KCNN2: variants seen among roughly 807,000 people sequenced by gnomAD.
The protein encoded by KCNN2 is small conductance calcium-activated potassium channel protein 2.
Under a neutral mutation model 55.5 loss-of-function variants are expected in KCNN2, and 24 were observed. The ratio of observed to expected loss-of-function variants is 0.43; its 90% confidence interval spans 0.31 to 0.61. KCNN2 has a LOEUF of 0.61. Among genes scored for constraint, KCNN2 ranks in the 20% least tolerant of loss-of-function variants. The pLI is 0.08. For missense variants in KCNN2, 754 were observed against 853.6 expected (o/e 0.88, Z 1.45); for synonymous variants, 431 against 336.1 (o/e 1.28, Z -3.09).
chr5:114,250,549 A>G (rs1333043111), intron 2 of KCNN2, among the ~76,000 whole-genome samples: 1 of 152,134 alleles, frequency 6.6e-6, no homozygotes, highest in East Asian at 1.9e-4. Context: ...GTTGGATGGA[A>G]ATGTCAGCTG....
In KCNN2 at chr5:114,069,920, A is replaced by G. The variant is rs547803125; in HGVS notation, c.-271+13420A>G. ...AAGGATACAGGTAAGAGGACATTTT[A>G]TTACAACTGCACTGACTATCTGTAG... On this transcript the variant is annotated intron_variant, in intron 1 of 10. Transcript: ENST00000512097. 3.3e-5 allele frequency among the ~76,000 whole-genome samples: 5 copies of G among 152,338 alleles called. 1 individual carries two copies. In the East Asian group the frequency reaches 9.6e-4, roughly 29 times the overall value.
intron 2 of KCNN2, among the ~76,000 whole-genome samples, chr5:114,327,696 C>T (rs151110251): frequency 9.6e-4 from 146 of 152,294 alleles, no homozygotes; most frequent in Middle Eastern, 3.4e-3. Context: ...CTAAGTGTTT[C>T]AGTCTGTGCT....
At chr5:114,479,043 G>A (rs183639894) in intron 5 of KCNN2, among the ~76,000 whole-genome samples, 1 of 152,044 alleles carries the variant, frequency 6.6e-6, no homozygotes, top group East Asian at 1.9e-4. Context: ...AATTCACACA[G>A]AGCAATAGTA....
chr5:114,357,232 T>C (rs1279118499), upstream of KCNN2, among the ~76,000 whole-genome samples: 2 of 151,566 alleles, frequency 1.3e-5, no homozygotes, highest in Admixed American at 6.6e-5. Context: ...AAGAAGAGAA[T>C]TATGAACAAT....
chr5:114,272,384 T>TAAC (rs1755364601), intron 2 of KCNN2, among the ~76,000 whole-genome samples: 1 of 22,848 alleles, frequency 4.4e-5, no homozygotes, highest in Non-Finnish European at 1.5e-4. Context: ...TGTATGTACA[T>TAAC]ATATACACAC....
intron 3 of KCNN2, among the ~76,000 whole-genome samples, chr5:114,407,120 A>G (rs1758960145): frequency 6.6e-6 from 1 of 152,072 alleles, no homozygotes; most frequent in Non-Finnish European, 1.5e-5. Context: ...GTAAAATACA[A>G]GGATGTATTT....
intron 2 of KCNN2, among the ~76,000 whole-genome samples, chr5:114,402,301 A>G (rs772369965): frequency 5.3e-5 from 8 of 152,238 alleles, no homozygotes; most frequent in Middle Eastern, 3.2e-3. Flanking sequence ...TAGCAAGGGT[A>G]GTCTTGGTAG....
intron 2 of KCNN2, among the ~76,000 whole-genome samples, chr5:114,292,776 C>A (rs1755923303): frequency 1.3e-5 from 2 of 152,116 alleles, no homozygotes; most frequent in South Asian, 4.2e-4. Flanking sequence ...TATAAATTAC[C>A]TTGGCAGTAT....
intron 1 of KCNN2, among the ~76,000 whole-genome samples, chr5:114,199,185 T>C (rs1482701147): frequency 3.3e-5 from 5 of 152,148 alleles, no homozygotes; most frequent in Non-Finnish European, 5.9e-5. Flanking sequence ...ATGACCTTTG[T>C]CATTTTTACT....
chr5:114,220,248 G>T (rs1754103983), intron 1 of KCNN2, among the ~76,000 whole-genome samples: 1 of 152,004 alleles, frequency 6.6e-6, no homozygotes, highest in Non-Finnish European at 1.5e-5. Flanking sequence ...TAATTAAAAT[G>T]GTATTGCCAA....
chr5:114,479,696 A>G (rs1315616792), intron 5 of KCNN2, among the ~76,000 whole-genome samples: 1 of 152,226 alleles, frequency 6.6e-6, no homozygotes, highest in Non-Finnish European at 1.5e-5. Context: ...CCACAGTGCA[A>G]TCAAATTAGA....
At chr5:114,254,020 G>A (rs1754932601) in intron 2 of KCNN2, among the ~76,000 whole-genome samples, 2 of 152,158 alleles carry the variant, frequency 1.3e-5, no homozygotes, top group Admixed American at 6.5e-5. Context: ...AATATGCTCA[G>A]CAAGATAAAC....
intron 1 of KCNN2, among the ~76,000 whole-genome samples, chr5:114,168,154 C>T (rs1200227079): frequency 8.0e-6 from 1 of 125,430 alleles, no homozygotes; most frequent in East Asian, 2.4e-4. Flanking sequence ...GATATATAAT[C>T]ATATATATGT....
intron 1 of KCNN2, among the ~76,000 whole-genome samples, chr5:114,218,216 A>T (rs905347317): frequency 1.3e-5 from 2 of 152,228 alleles, no homozygotes; most frequent in African/African-American, 4.8e-5. Flanking sequence ...TATATTACAT[A>T]GTAGTTGTGC....
At chr5:114,209,001 C>T (rs1005330439) in intron 1 of KCNN2, among the ~76,000 whole-genome samples, 2 of 152,018 alleles carry the variant, frequency 1.3e-5, no homozygotes, top group African/African-American at 4.8e-5. Context: ...TCCATGATCA[C>T]ATTCACTCCT....
In KCNN2 at chr5:114,462,903, T is replaced by TTTTG. The variant is rs1761272736; in HGVS notation, c.1638-142_1638-139dup. The TTTTG allele has an allele frequency of 8.3e-6, 6 of 724,400 alleles. No individual in the cohort carries two copies. In the East Asian group the frequency reaches 1.3e-4, roughly 16 times the overall value. The allele number at this position is 724,400 out of a possible 1,614,324, so 44.9% of individuals were successfully genotyped here. Reference sequence around the variant, plus strand: ...GTGGATTGCTTAGATGGAACCTCAATTTTGTTTATATTCACAAGCTTTGAA... The same window carrying TTTTG: ...GTGGATTGCTTAGATGGAACCTCAATTTTGTTTGTTTATATTCACAAGCTTTGAA... On this transcript the variant is annotated intron_variant, in intron 3 of 7. Coordinates refer to ENST00000673685, the MANE Select transcript of KCNN2 (RefSeq NM_021614.4).
intron 2 of KCNN2, among the ~76,000 whole-genome samples, chr5:114,334,745 A>G (rs983551696): frequency 3.9e-5 from 6 of 152,180 alleles, no homozygotes; most frequent in Non-Finnish European, 5.9e-5. Flanking sequence ...TATGTATTTA[A>G]TTGTTTTCAT....
chr5:114,143,768 A>G (rs957758770), intron 1 of KCNN2, among the ~76,000 whole-genome samples: 4 of 152,194 alleles, frequency 2.6e-5, no homozygotes, highest in African/African-American at 9.7e-5. Context: ...TGTATTTACA[A>G]TAATCAGGAA....
chr5:114,074,106 GT>G (rs1482438469), intron 1 of KCNN2, among the ~76,000 whole-genome samples: 1 of 151,964 alleles, frequency 6.6e-6, no homozygotes, highest in Non-Finnish European at 1.5e-5. Context: ...CACTATTTTT[GT>G]TTTCTGTGAG....
Sources: allele counts gnomAD v4.1 joint callset (sites outside exome capture counted in the v4.1 genomes callset), GRCh38; gene constraint gnomAD v4.1.1; transcripts MANE v1.5; gene names NCBI Gene and HGNC (gene_info 2026-07-23, HGNC 2026-07-21).